The following RALYL variants were observed in gnomAD, a reference collection of about 807,000 sequenced individuals.
The protein encoded by RALYL is RNA-binding Raly-like protein.
In RALYL, 29 loss-of-function variants were observed where a neutral mutation model predicts 35.1. That is an observed-to-expected ratio of 0.83 (90% CI 0.61 to 1.13). The LOEUF is 1.13. Among genes scored for constraint, RALYL ranks in the 50% most tolerant of loss-of-function variants. The pLI is 0.00. For missense variants in RALYL, 359 were observed against 360.4 expected (o/e 1.00, Z 0.03); for synonymous variants, 120 against 127.6 (o/e 0.94, Z 0.40).
At chr8:84,569,303 G>T (rs368234866) in intron 2 of RALYL, among the ~76,000 whole-genome samples, 1 of 151,916 alleles carries the variant, frequency 6.6e-6, no homozygotes, top group Admixed American at 6.6e-5. Context: ...ATTAAATAGG[G>T]AATCCTTTCC....
At chr8:84,227,285 C>A (rs1824162702) in intron 1 of RALYL, among the ~76,000 whole-genome samples, 1 of 151,788 alleles carries the variant, frequency 6.6e-6, no homozygotes, top group African/African-American at 2.4e-5. Flanking sequence ...GTCTTGAACT[C>A]CTGACCTCAT....
intron 1 of RALYL, among the ~76,000 whole-genome samples, chr8:84,517,536 T>C (rs532341488): frequency 6.6e-6 from 1 of 152,298 alleles, no homozygotes; most frequent in East Asian, 1.9e-4. Flanking sequence ...CTAGAGGCTG[T>C]GTCATATATC....
intron 1 of RALYL, among the ~76,000 whole-genome samples, chr8:84,445,745 A>G (rs980900648): frequency 1.1e-4 from 16 of 151,764 alleles, no homozygotes; most frequent in African/African-American, 3.1e-4. Context: ...GCATTAATTG[A>G]AAAACGTGGG....
At chr8:84,235,148 AT>A (rs1298197826) in intron 1 of RALYL, among the ~76,000 whole-genome samples, 2 of 152,188 alleles carry the variant, frequency 1.3e-5, no homozygotes, top group Non-Finnish European at 2.9e-5. Context: ...TTTTATGACA[AT>A]TGTTATTCAA....
intron 1 of RALYL, among the ~76,000 whole-genome samples, chr8:84,480,981 T>A (rs952075252): frequency 8.5e-5 from 13 of 152,162 alleles, no homozygotes; most frequent in Admixed American, 2.6e-4. Context: ...TTTTAATGTT[T>A]AGTATTATCT....
At chr8:84,888,465 A>G (rs1843270717) in intron 8 of RALYL, among the ~76,000 whole-genome samples, 1 of 152,220 alleles carries the variant, frequency 6.6e-6, no homozygotes, top group African/African-American at 2.4e-5. Context: ...AATTAAATAT[A>G]CTATCTCAAA....
At chr8:84,467,766 G>A (rs1207969484) in intron 1 of RALYL, among the ~76,000 whole-genome samples, 2 of 147,996 alleles carry the variant, frequency 1.4e-5, no homozygotes, top group African/African-American at 5.0e-5. Context: ...CATTATTAAT[G>A]TGTGGGAGTC....
chr8:84,774,704 C>A, intron 3 of RALYL, 50 bp downstream of exon 3: 4 of 1,263,480 alleles, frequency 3.2e-6, no homozygotes, highest in Non-Finnish European at 2.3e-6. Context: ...AATTTTCTTG[C>A]AGCTTTATAA....
At chr8:84,485,370 C>T (rs923857260) in intron 1 of RALYL, among the ~76,000 whole-genome samples, 5 of 152,098 alleles carry the variant, frequency 3.3e-5, no homozygotes, top group African/African-American at 1.2e-4. Context: ...GAGTGGATCA[C>T]TTGAGGTCAG....
At chr8:84,838,661 G>T (rs967381699) in intron 4 of RALYL, among the ~76,000 whole-genome samples, 4 of 152,166 alleles carry the variant, frequency 2.6e-5, no homozygotes, top group Non-Finnish European at 5.9e-5. Context: ...AGCTATAACT[G>T]GTTCTTGTAA....
At chr8:84,397,438 T>C (rs1285629070) in intron 1 of RALYL, among the ~76,000 whole-genome samples, 3 of 152,110 alleles carry the variant, frequency 2.0e-5, no homozygotes, top group African/African-American at 7.2e-5. Flanking sequence ...CCAGGTTTTT[T>C]CCCCAGAAAA....
intron 1 of RALYL, among the ~76,000 whole-genome samples, chr8:84,282,608 G>T (rs1042583676): frequency 6.6e-6 from 1 of 151,882 alleles, no homozygotes; most frequent in African/African-American, 2.4e-5. Flanking sequence ...TTATTCATTT[G>T]TTCTGCCCTT....
intron 1 of RALYL, among the ~76,000 whole-genome samples, chr8:84,303,563 G>C (rs916777924): frequency 6.6e-6 from 1 of 152,158 alleles, no homozygotes; most frequent in African/African-American, 2.4e-5. Context: ...TAATCAGAGA[G>C]AGATGTAGGT....
At chr8:84,438,190 A>G (rs1307304199) in intron 1 of RALYL, among the ~76,000 whole-genome samples, 1 of 151,996 alleles carries the variant, frequency 6.6e-6, no homozygotes, top group Non-Finnish European at 1.5e-5. Context: ...ATTTTCTTCC[A>G]TTCTGTAGGT....
chr8:84,842,905 C>G (rs1004274914), intron 4 of RALYL, among the ~76,000 whole-genome samples: 2 of 152,080 alleles, frequency 1.3e-5, no homozygotes, highest in African/African-American at 4.8e-5. Context: ...AGGCCTTTGA[C>G]AAAATTCAAC....
In RALYL at chr8:84,769,071, T is replaced by C. The variant is rs189708977; in HGVS notation, c.257-5508T>C. ...AGAATAATTTTACATGTTCATTTTATGTCATTAAGTCTAAGCTAGAAATAT... is the reference window on the plus strand; with the variant it reads ...AGAATAATTTTACATGTTCATTTTACGTCATTAAGTCTAAGCTAGAAATAT... On this transcript the variant is annotated intron_variant, in intron 2 of 8. Transcript: ENST00000521268. Among the ~76,000 whole-genome samples, 3 of 152,346 alleles carry C rather than the reference T, an allele frequency of 2.0e-5. No homozygotes were observed. In the East Asian group the frequency reaches 5.8e-4, roughly 29 times the overall value.
chr8:84,708,708 A>G (rs1841639204), intron 2 of RALYL, among the ~76,000 whole-genome samples: 1 of 152,190 alleles, frequency 6.6e-6, no homozygotes, highest in African/African-American at 2.4e-5. Flanking sequence ...GTTTATGTTT[A>G]AATTTTCAAA....
At chr8:84,200,158 A>G (rs75411185) in intron 1 of RALYL, among the ~76,000 whole-genome samples, 2 of 152,328 alleles carry the variant, frequency 1.3e-5, no homozygotes, top group African/African-American at 4.8e-5. Context: ...TTAGTGTAGC[A>G]TGAGATTCTA....
At chr8:84,557,742 T>C (rs1050984883) in intron 2 of RALYL, among the ~76,000 whole-genome samples, 2 of 152,022 alleles carry the variant, frequency 1.3e-5, no homozygotes. Context: ...CTATAGAAAA[T>C]TGTTGCTATG....
Sources: allele counts gnomAD v4.1 joint callset (sites outside exome capture counted in the v4.1 genomes callset), GRCh38; gene constraint gnomAD v4.1.1; transcripts MANE v1.5; gene names NCBI Gene and HGNC (gene_info 2026-07-23, HGNC 2026-07-21).